Variants in ZNF329 observed in about 807,000 individuals in gnomAD.
ZNF329 encodes zinc finger protein 329.
Under a neutral mutation model 26.6 loss-of-function variants are expected in ZNF329, and 15 were observed. The ratio of observed to expected loss-of-function variants is 0.56; its 90% CI spans 0.38 to 0.87. The LOEUF is 0.87. Among genes scored for constraint, ZNF329 ranks in the 40% least tolerant of loss-of-function variants. The probability of loss-of-function intolerance (pLI) is 0.00; values close to 1 mark genes in which losing one functional copy is unlikely to be tolerated. For synonymous variants in ZNF329, 239 were observed against 233.5 expected (o/e 1.02, Z -0.21); for missense variants, 651 against 651.9 (o/e 1.00, Z 0.02).
chr19:58,134,164 G>C (rs547718586), intron 3 of ZNF329, among the ~76,000 whole-genome samples: 1 of 152,280 alleles, frequency 6.6e-6, no homozygotes, highest in African/African-American at 2.4e-5. Flanking sequence ...TCTGACTAGG[G>C]GGCAGATGTT....
At chr19:58,145,338 T>C (rs79198045) in intron 1 of ZNF329, among the ~76,000 whole-genome samples, 1 of 135,036 alleles carries the variant, frequency 7.4e-6, no homozygotes, top group Non-Finnish European at 1.6e-5. Flanking sequence ...TTTTTTTTTT[T>C]GGAGACAGTG....
At chr19:58,150,579 C>G (rs986806031) in intron 1 of ZNF329, among the ~76,000 whole-genome samples, 173 bp downstream of exon 1, 17 of 152,270 alleles carry the variant, frequency 1.1e-4, no homozygotes, top group African/African-American at 4.1e-4. Flanking sequence ...GAGAACTACG[C>G]CCCTGGCCAG....
At chr19:58,134,183 C>G (rs1421031097) in intron 3 of ZNF329, among the ~76,000 whole-genome samples, 2 of 152,126 alleles carry the variant, frequency 1.3e-5, no homozygotes, top group Non-Finnish European at 2.9e-5. Flanking sequence ...TTCCTAGGAG[C>G]CACGGATGCT....
intron 1 of ZNF329, among the ~76,000 whole-genome samples, chr19:58,144,693 A>ATT (rs34490866): frequency 8.7e-4 from 111 of 127,640 alleles, no homozygotes; most frequent in African/African-American, 1.3e-3. Context: ...CCAGCCAAGA[A>ATT]TTTTTTTTTT....
intron 3 of ZNF329, 33 bp from the exon 4 acceptor site, chr19:58,129,544 T>C: frequency 6.6e-7 from 1 of 1,516,874 alleles, no homozygotes; most frequent in Non-Finnish European, 8.9e-7. Context: ...GACTTAGGTA[T>C]ATGAAGCTTT....
intron 3 of ZNF329, among the ~76,000 whole-genome samples, chr19:58,140,414 CT>C (rs11436059): frequency 9.5e-4 from 132 of 138,402 alleles, no homozygotes; most frequent in Middle Eastern, 3.6e-3. Context: ...AAAACTCTTT[CT>C]TTTTTTTTTT....
chr19:58,145,494 A>G lies in ZNF329; in HGVS notation c.-207-2296T>C, dbSNP rs569467809. Among the ~76,000 whole-genome samples, 20 of 150,562 alleles carry G rather than the reference A, an allele frequency of 1.3e-4. No homozygotes were observed. The South Asian group carries it at 3.6e-3, about 27-fold the overall frequency. On this transcript the variant is annotated intron_variant, in intron 1 of 3. Coordinates refer to ENST00000598312, the MANE Select transcript of ZNF329 (RefSeq NM_024620.4). Reference sequence around the variant, plus strand: ...CCACCACCATACCCAGCTAATTTTTATATTTTTAGTAGAGATGGGGTTTCA... The same window carrying G: ...CCACCACCATACCCAGCTAATTTTTGTATTTTTAGTAGAGATGGGGTTTCA...
chr19:58,145,859 C>T (rs1010851669), intron 1 of ZNF329, among the ~76,000 whole-genome samples: 6 of 151,864 alleles, frequency 4.0e-5, no homozygotes, highest in Non-Finnish European at 2.9e-5. Flanking sequence ...TGACACGACA[C>T]ACCAAGAAGA....
intron 1 of ZNF329, among the ~76,000 whole-genome samples, chr19:58,146,525 C>T (rs546023637): frequency 2.9e-5 from 2 of 69,350 alleles, no homozygotes; most frequent in Admixed American, 3.0e-4. Context: ...TAGTCCCTCT[C>T]CCTCTCCCCC....
Position 58,127,484 on chromosome 19 carries a change from G to GAAA in ZNF329, c.*391_*393dup, listed in dbSNP as rs74269140. 2 of 144,440 alleles carry GAAA rather than the reference G, an allele frequency of 1.4e-5. No individual in the cohort carries two copies. The highest frequency in any genetic ancestry group is 7.1e-5 in the Admixed American group (1 of 14,128). 8.9% of individuals were successfully genotyped at this position (144,440 alleles called of 1,614,324 possible). On this transcript the variant is annotated 3_prime_UTR_variant, in exon 4 of 4. Transcript: ENST00000598312. ...GCCACTGCACAGTGAGACTCTGTCC[G>GAAA]AAAAAAAAAAAAAAGTTGATTCAGT... is the stretch of plus-strand genomic sequence containing the variant.
intron 3 of ZNF329, among the ~76,000 whole-genome samples, chr19:58,131,928 C>G (rs1190048788): frequency 6.7e-6 from 1 of 148,608 alleles, no homozygotes; most frequent in Non-Finnish European, 1.5e-5. Flanking sequence ...GAGGCTGAGG[C>G]AGGAGAATGG....
chr19:58,145,077 CTGACCTCG>C (rs367755323), intron 1 of ZNF329, among the ~76,000 whole-genome samples: 5,514 of 151,454 alleles, frequency 0.036, 350 homozygotes, highest in African/African-American at 0.13. Context: ...TCTCGATCTC[CTGACCTCG>C]TGACCCGCCC....
chr19:58,128,533 A>C lies in ZNF329; in HGVS notation c.971T>G (p.Phe324Cys), dbSNP rs776317179. The C allele has an allele frequency of 5.6e-6, 9 of 1,613,994 alleles. No individual in the cohort carries two copies. In the East Asian group the frequency reaches 1.8e-4, roughly 32 times the overall value. Residue 324 changes from phenylalanine (F) to cysteine (C), a missense_variant, in exon 4 of 4, where the codon TTC (phenylalanine) becomes TGC (cysteine). Coordinates refer to ENST00000598312, the MANE Select transcript of ZNF329 (RefSeq NM_024620.4). Reference sequence around the variant, plus strand: ...CACTGTAAGGTGGGAGATGTCAGTGAAGGGTTTCCCACATTCGTTACATCT... The same window carrying C: ...CACTGTAAGGTGGGAGATGTCAGTGCAGGGTTTCCCACATTCGTTACATCT... The part of the protein sequence containing the change: ...PYRCNECGKP[F>C]TDISHLTVHL...
At chr19:58,131,270 C>T (rs1232847444) in intron 3 of ZNF329, among the ~76,000 whole-genome samples, 3 of 151,914 alleles carry the variant, frequency 2.0e-5, no homozygotes, top group Non-Finnish European at 4.4e-5. Flanking sequence ...TATGGCCAAG[C>T]ATTGGGGGTC....
At chr19:58,130,112 G>C (rs1023107223) in intron 3 of ZNF329, among the ~76,000 whole-genome samples, 2 of 152,108 alleles carry the variant, frequency 1.3e-5, no homozygotes, top group African/African-American at 4.8e-5. Context: ...TTGAAGTCAG[G>C]AGTTCAAGAC....
intron 3 of ZNF329, among the ~76,000 whole-genome samples, chr19:58,139,429 G>T (rs2146097681): frequency 6.6e-6 from 1 of 152,246 alleles, no homozygotes; most frequent in Admixed American, 6.5e-5. Flanking sequence ...CACAGTTCTG[G>T]AGGCTAGGAA....
At chr19:58,140,130 G>A (rs930866960) in intron 3 of ZNF329, among the ~76,000 whole-genome samples, 4 of 152,150 alleles carry the variant, frequency 2.6e-5, no homozygotes, top group Admixed American at 6.5e-5. Flanking sequence ...TTTGGGTCAT[G>A]GAGGTGGAAC....
At chr19:58,154,188 T>C (rs909017645), upstream of ZNF329, among the ~76,000 whole-genome samples, 10 of 152,112 alleles carry the variant, frequency 6.6e-5, no homozygotes, top group African/African-American at 2.4e-4. Flanking sequence ...TTTGTATTTT[T>C]AGTAGAGACG....
chr19:58,149,197 C>T (rs1600101825), intron 1 of ZNF329, among the ~76,000 whole-genome samples: 1 of 152,168 alleles, frequency 6.6e-6, no homozygotes, highest in Non-Finnish European at 1.5e-5. Context: ...CCTATATGGC[C>T]TAAAAATGGT....
Sources: gnomAD v4.1 joint callset for allele counts (sites outside exome capture counted in the v4.1 genomes callset) on GRCh38, gnomAD v4.1.1 for gene constraint, MANE v1.5 for transcripts, NCBI Gene and HGNC (gene_info 2026-07-23, HGNC 2026-07-21) for gene names.